BBS9: variants seen among roughly 807,000 people sequenced by gnomAD.
The protein encoded by BBS9 is protein PTHB1.
BBS9 carries 89 observed loss-of-function variants against 117.7 expected under a neutral mutation model. That is an observed-to-expected ratio of 0.76 (90% CI 0.64 to 0.90). The LOEUF (loss-of-function observed/expected upper bound fraction) is 0.90, where lower values mean the gene tolerates loss of function less well. BBS9 is among the 40% of genes least tolerant of loss of function. The pLI is 0.00. For missense variants in BBS9, 982 were observed against 1,042.2 expected, an observed-to-expected ratio of 0.94 and a Z score of 0.80; for synonymous variants, 379 against 370.9, an observed-to-expected ratio of 1.02 and a Z score of -0.25.
rs146659063 is a variant in BBS9 at position 33,164,024 on chromosome 7, C to T, written c.328+8322C>T. Among the ~76,000 whole-genome samples, 1,175 of 152,196 alleles carry T rather than the reference C, an allele frequency of 7.7e-3. 19 individuals are homozygous for T. Among genetic ancestry groups the T allele is most frequent in the African/African-American group, 0.027 (1,118 of 41,528 alleles). ...TAAATGTGTCCCAGAGATTTTGGTA[C>T]GTTGTGTCTTTGTTCCCATTGGTTT... On this transcript the variant is annotated intron_variant, in intron 4 of 22. Coordinates refer to ENST00000242067, the MANE Select transcript of BBS9 (RefSeq NM_198428.3).
intron 2 of BBS9, among the ~76,000 whole-genome samples, chr7:33,146,576 G>C (rs1167523154): frequency 6.6e-6 from 1 of 151,838 alleles, no homozygotes; most frequent in Non-Finnish European, 1.5e-5. Flanking sequence ...GTGGGCATCT[G>C]TAATCCCAGC....
chr7:33,401,334 G>A (rs1361040562), intron 19 of BBS9, among the ~76,000 whole-genome samples: 1 of 152,172 alleles, frequency 6.6e-6, no homozygotes, highest in Non-Finnish European at 1.5e-5. Flanking sequence ...GAGAGGATCT[G>A]CCTGTTGACA....
intron 19 of BBS9, among the ~76,000 whole-genome samples, chr7:33,433,491 T>C (rs1294898960): frequency 6.6e-6 from 1 of 152,188 alleles, no homozygotes; most frequent in Non-Finnish European, 1.5e-5. Context: ...TTCCTCTGTT[T>C]TTATTCTGAG....
intron 5 of BBS9, among the ~76,000 whole-genome samples, chr7:33,191,180 T>C (rs1296543837): frequency 6.6e-6 from 1 of 152,144 alleles, no homozygotes; most frequent in African/African-American, 2.4e-5. Context: ...ATACAGTCTT[T>C]TACATGCTCA....
intron 9 of BBS9, among the ~76,000 whole-genome samples, chr7:33,288,149 T>C (rs1168159859): frequency 1.3e-5 from 2 of 152,136 alleles, no homozygotes; most frequent in Non-Finnish European, 2.9e-5. Context: ...CTACCAGAAA[T>C]TCGTGCCTTA....
At chr7:33,568,547 A>G (rs560087982) in intron 21 of BBS9, among the ~76,000 whole-genome samples, 58 of 152,352 alleles carry the variant, frequency 3.8e-4, no homozygotes, top group Admixed American at 3.3e-3. Context: ...TTCCTGGAAC[A>G]TAGTGGATAC....
At chr7:33,157,869 G>A (rs1367592309) in intron 4 of BBS9, 1 of 152,124 alleles carries the variant, frequency 6.6e-6, no homozygotes, top group African/African-American at 2.4e-5. Flanking sequence ...GAAAAAAACA[G>A]GGTCTTGCTG....
At chr7:33,158,726 G>C (rs1302287589) in intron 4 of BBS9, among the ~76,000 whole-genome samples, 1 of 152,066 alleles carries the variant, frequency 6.6e-6, no homozygotes, top group African/African-American at 2.4e-5. Context: ...GGCATGTATA[G>C]GTGCTTTTCT....
At chr7:33,269,731 A>C (rs1201272583) in intron 7 of BBS9, among the ~76,000 whole-genome samples, 7 of 151,948 alleles carry the variant, frequency 4.6e-5, no homozygotes, top group Non-Finnish European at 8.8e-5. Flanking sequence ...AAATGGAAAA[A>C]AAAAAAAAAA....
At chr7:33,312,806 G>A (rs751884419) in intron 9 of BBS9, among the ~76,000 whole-genome samples, 8 of 151,964 alleles carry the variant, frequency 5.3e-5, no homozygotes, top group African/African-American at 9.7e-5. Context: ...TTCCTTCATA[G>A]CACCTGTCAT....
chr7:33,632,908 C>T (rs1228385506), intron 21 of BBS9, among the ~76,000 whole-genome samples: 3 of 152,240 alleles, frequency 2.0e-5, no homozygotes, highest in South Asian at 2.1e-4. Context: ...GTTGAGGCCA[C>T]GTCTTCATTT....
chr7:33,500,572 G>A (rs761219040), intron 19 of BBS9, among the ~76,000 whole-genome samples: 1 of 152,214 alleles, frequency 6.6e-6, no homozygotes, highest in Non-Finnish European at 1.5e-5. Context: ...ATCTGGGTAT[G>A]ACAGCCTTGC....
chr7:33,457,965 A>G (rs1043459264), intron 19 of BBS9, among the ~76,000 whole-genome samples: 7 of 152,198 alleles, frequency 4.6e-5, no homozygotes, highest in Non-Finnish European at 4.4e-5. Context: ...TGGCAGGATC[A>G]GGAAAAGGTT....
chr7:33,319,139 G>A (rs1811162223), intron 9 of BBS9, among the ~76,000 whole-genome samples: 1 of 151,288 alleles, frequency 6.6e-6, no homozygotes, highest in Non-Finnish European at 1.5e-5. Context: ...CTCCAGCCTG[G>A]GTGACAGAGC....
Position 33,364,689 on chromosome 7 carries a change from C to T in BBS9, c.1694-3078C>T, listed in dbSNP as rs530266321. Among the ~76,000 whole-genome samples the T allele has an allele frequency of 2.2e-3, 238 of 108,270 alleles. 2 individuals carry two copies. The highest frequency in any genetic ancestry group is 8.1e-3 in the African/African-American group (226 of 28,024). 71.0% of individuals were successfully genotyped at this position (108,270 alleles called of 152,430 possible). A position where few individuals can be genotyped will look rare whatever the true frequency, so the allele number is the denominator to read the frequency against. On this transcript the variant is annotated intron_variant, in intron 16 of 22. Transcript: ENST00000242067. ...TTCCCCCTCCCATCCTTTCCCCCCT[C>T]CCCCTCCGCCCTTTTCTCCCATCCT...
chr7:33,603,368 T>C (rs1563435943), intron 21 of BBS9, among the ~76,000 whole-genome samples: 3 of 152,130 alleles, frequency 2.0e-5, no homozygotes, highest in Non-Finnish European at 4.4e-5. Context: ...CCTTTGCCTT[T>C]TTACTCAGTT....
intron 4 of BBS9, among the ~76,000 whole-genome samples, chr7:33,167,549 C>G (rs1242063332): frequency 6.6e-6 from 1 of 151,836 alleles, no homozygotes; most frequent in Non-Finnish European, 1.5e-5. Flanking sequence ...ATTGCAGGTG[C>G]CCACCACCAT....
chr7:33,365,132 C>G (rs956103112), intron 16 of BBS9, among the ~76,000 whole-genome samples: 1 of 150,722 alleles, frequency 6.6e-6, no homozygotes, highest in African/African-American at 2.4e-5. Flanking sequence ...TTCCTGAAAA[C>G]AATTATTTTG....
At chr7:33,334,698 G>A (rs1004058590) in intron 9 of BBS9, among the ~76,000 whole-genome samples, 2 of 152,166 alleles carry the variant, frequency 1.3e-5, no homozygotes, top group African/African-American at 4.8e-5. Flanking sequence ...GATGGCAGAA[G>A]CAATTGATAA....
Sources: gnomAD v4.1 joint callset for allele counts (sites outside exome capture counted in the v4.1 genomes callset) on GRCh38, gnomAD v4.1.1 for gene constraint, MANE v1.5 for transcripts, NCBI Gene and HGNC (gene_info 2026-07-23, HGNC 2026-07-21) for gene names.